MUC3A: variants seen among roughly 807,000 people sequenced by gnomAD.
MUC3A encodes the protein mucin-3A.
Under a neutral mutation model 109.0 loss-of-function variants are expected in MUC3A, and 109 were observed. The observed-to-expected ratio is 1.00, with a 90% CI of 0.86 to 1.17. The LOEUF (loss-of-function observed/expected upper bound fraction) is 1.17. Among genes scored for constraint, MUC3A ranks in the 50% most tolerant of loss-of-function variants. The pLI, the probability that MUC3A is intolerant of heterozygous loss-of-function variation, is 0.00. For missense variants in MUC3A, 3,537 were observed against 2,469.4 expected (o/e 1.43, Z -9.16); for synonymous variants, 1,398 against 981.4 (o/e 1.42, Z -7.93).
In MUC3A at chr7:100,951,988, A is replaced by G; in HGVS notation, c.209A>G (p.His70Arg). The change falls in exon 2 of 12, where the codon CAC becomes CGC. Residue 70 changes from histidine (H) to arginine (R), a missense_variant. Coordinates refer to ENST00000379458, the MANE Select transcript of MUC3A (RefSeq NM_005960.2). ...CAGCTCGCCTCTCCTGCTCCTGGCC[A>G]CAGGGAAAATGCACCTATGACACTC... ...VPQLASPAPG[H>R]RENAPMTLTT... 6.3e-7 allele frequency: 1 copy of G among 1,598,670 alleles called. No individual in the cohort carries two copies. Among genetic ancestry groups the G allele is most frequent in the Non-Finnish European group, 8.5e-7 (1 of 1,179,814 alleles).
intron 3 of MUC3A, among the ~76,000 whole-genome samples, chr7:100,961,967 T>TGGGCTTGGTGGCTTATG (rs1584808699): frequency 1.3e-4 from 15 of 119,168 alleles, no homozygotes; most frequent in Admixed American, 4.0e-4. Flanking sequence ...AAAACTTACC[T>TGGGCTTGGTGGCTTATG]CACGCCTGTA....
At chr7:100,962,811 C>CA (rs1563073163) in intron 3 of MUC3A, among the ~76,000 whole-genome samples, 4 of 126,480 alleles carry the variant, frequency 3.2e-5, no homozygotes, top group African/African-American at 2.8e-5. Context: ...CTCTCTCTCT[C>CA]TCTTTCTTTC....
chr7:100,964,196 G>GCAA, intron 5 of MUC3A: 2 of 271,706 alleles, frequency 7.4e-6, no homozygotes, highest in South Asian at 1.1e-4. Context: ...TAGCACTTTG[G>GCAA]GTAGGCTAGG....
rs1165925408 is a variant in MUC3A at position 100,966,959 on chromosome 7, G to T, written c.9930+8G>T. On this transcript the variant is annotated splice_region_variant and intron_variant, in intron 11 of 11. Transcript: ENST00000379458. ...GTGGACACCACTATGAAGGTGAGGG[G>T]CTAAAGAGGGGGACCCCAAGGAACT... 6 of 1,598,434 alleles carry T rather than the reference G, an allele frequency of 3.8e-6. No individual in the cohort carries two copies. Among genetic ancestry groups the T allele is most frequent in the African/African-American group, 1.3e-5 (1 of 74,964 alleles).
At position 100,960,209 on chromosome 7, in the gene MUC3A, C is replaced by G. The variant is rs73398798; in HGVS notation, c.8430C>G (p.Thr2810=). 1 of 1,594,168 alleles carries G rather than the reference C, an allele frequency of 6.3e-7. No homozygotes were observed. Among genetic ancestry groups the G allele is most frequent in the East Asian group, 2.2e-5 (1 of 44,816 alleles). The change falls in exon 2 of 12, where the codon ACC becomes ACG. Residue 2810 remains threonine (T), a synonymous_variant. Coordinates refer to ENST00000379458, the MANE Select transcript of MUC3A (RefSeq NM_005960.2). ...CATTAACAGTCTTTCCCTTTACTAC[C>G]GAAATGGTCACCTGTCCTACCTCCA... ...TTPLTVFPFT[T]EMVTCPTSIS...
rs587660456 is a variant in MUC3A at position 100,966,437 on chromosome 7, C to G, written c.9663C>G (p.Ala3221=). 91 of 1,349,162 alleles carry G rather than the reference C, an allele frequency of 6.7e-5. No homozygotes were observed. The Admixed American group carries it at 7.6e-4, about 11-fold the overall frequency. 83.6% of individuals were successfully genotyped at this position (1,349,162 alleles called of 1,614,324 possible). The change falls in exon 9 of 12, where the codon GCC becomes GCG. Residue 3221 remains alanine, a synonymous_variant. Coordinates refer to ENST00000379458, the MANE Select transcript of MUC3A (RefSeq NM_005960.2). ...HWFSGPRCEV[A]VHWRALVGGL... ...TCTCTGGCCCGCGCTGCGAGGTGGC[C>G]GTCCACTGGAGGGCGCTGGTCGGGG...
chr7:100,965,137 G>GCCCCTCCACA, intron 6 of MUC3A, 145 bp from the exon 7 acceptor site: 50 of 1,169,906 alleles, frequency 4.3e-5, no homozygotes, highest in African/African-American at 1.1e-4. Flanking sequence ...TTCGCCTGTG[G>GCCCCTCCACA]CTCTCTCCGT....
rs368098028 is a variant in MUC3A, at chr7:100,959,140, C to T, written c.7361C>T (p.Thr2454Ile). ...SSSTIYSTVS[T>I]STTAITSHFT... ...TCAACCATCTACTCCACAGTCAGCA[C>T]ATCCACAACTGCCATCACCTCACAT... Residue 2454 changes from threonine to isoleucine, a missense_variant, in exon 2 of 12, where the codon ACA becomes ATA. Thr to Ile is a moderately conservative substitution (Grantham distance 89). Transcript: ENST00000379458. The T allele has an allele frequency of 5.0e-6, 8 of 1,590,670 alleles. No homozygotes were observed. The highest frequency in any genetic ancestry group is 4.1e-5 in the African/African-American group (3 of 72,500).
intron 7 of MUC3A, 132 bp downstream of exon 7, chr7:100,965,479 T>C (rs1384391619): frequency 4.8e-6 from 7 of 1,471,566 alleles, no homozygotes; most frequent in South Asian, 2.5e-5. Flanking sequence ...AGGGCGGCCC[T>C]TCCTGGCGCT....
At position 100,966,390 on chromosome 7, in the gene MUC3A, T is replaced by C; in HGVS notation, c.9616T>C (p.Tyr3206His). The change falls in exon 9 of 12, where the codon TAC (tyrosine) becomes CAC (histidine). Residue 3206 changes from tyrosine to histidine, a missense_variant. By Grantham distance (83) the Tyr-to-His change is moderately conservative. Transcript: ENST00000379458. ...TGACCCTGCGATCTCCCGCAGCTGC[T>C]ACTCCACCGACACGCACTGGTTCTC... ...LETSGPTCRC[Y>H]STDTHWFSGP... 1 of 1,335,862 alleles carries C rather than the reference T, an allele frequency of 7.5e-7. No homozygotes were observed. The highest frequency in any genetic ancestry group is 9.5e-7 in the Non-Finnish European group (1 of 1,048,664). The allele number at this position is 1,335,862 out of a possible 1,614,324, so 82.8% of individuals were successfully genotyped here.
rs587695646 is a variant in MUC3A at position 100,964,744 on chromosome 7, A to C, written c.9283A>C (p.Ser3095Arg). The change falls in exon 6 of 12, where the codon AGC (serine) becomes CGC (arginine). Residue 3095 changes from serine to arginine, a missense_variant. Coordinates refer to ENST00000379458, the MANE Select transcript of MUC3A (RefSeq NM_005960.2). ...CCTGGTCCTGCTGGAGATGCCCTTC[A>C]GCCCCCAGCTGGAGAGCGAGTATGA... ...DYLVLLEMPFSPQLESEYEQV... is the reference protein window; with the variant it reads ...DYLVLLEMPFRPQLESEYEQV... 3.1e-6 allele frequency: 5 copies of C among 1,598,386 alleles called. No homozygotes were observed. The South Asian group carries it at 5.5e-5, about 18-fold the overall frequency.
At position 100,957,449 on chromosome 7, in the gene MUC3A, A is replaced by G. The variant is rs1029160344; in HGVS notation, c.5670A>G (p.Thr1890=). The G allele has an allele frequency of 1.1e-6, 1 of 935,180 alleles. No individual in the cohort carries two copies. Among genetic ancestry groups the G allele is most frequent in the African/African-American group, 4.1e-5 (1 of 24,364 alleles). The allele number at this position is 935,180 out of a possible 1,614,324, so 57.9% of individuals were successfully genotyped here. Reference sequence around the variant, plus strand: ...CAGTAACAGCCACAGTTCCAACAACAAACTTGGTAACCACGACCACCAAGA... The same window carrying G: ...CAGTAACAGCCACAGTTCCAACAACGAACTTGGTAACCACGACCACCAAGA... ...LTTVTATVPT[T]NLVTTTTKIT... Residue 1890 remains threonine (T), a synonymous_variant, in exon 2 of 12, where the codon ACA becomes ACG. Transcript: ENST00000379458.
Position 100,960,524 on chromosome 7 carries a change from C to T in MUC3A, c.8745C>T (p.Pro2915=). The part of the protein sequence containing the change: ...TSSKSTHPSP[P]TTRTSETPVA... ...GCAAGTCAACACACCCCTCCCCACC[C>T]ACCACTAGGACTTCAGAGACACCAG... The change falls in exon 2 of 12, where the codon CCC becomes CCT. Residue 2915 remains proline (P), a synonymous_variant. Transcript: ENST00000379458. 1 of 1,598,726 alleles carries T rather than the reference C, an allele frequency of 6.3e-7. No homozygotes were observed. The highest frequency in any genetic ancestry group is 8.5e-7 in the Non-Finnish European group (1 of 1,179,822).
In MUC3A at chr7:100,952,859, A is replaced by C; in HGVS notation, c.1080A>C (p.Thr360=). 1 of 1,539,752 alleles carries C rather than the reference A, an allele frequency of 6.5e-7. No homozygotes were observed. The highest frequency in any genetic ancestry group is 1.4e-5 in the African/African-American group (1 of 73,452). ...KIAYSTSMTG[T]LSTETSLPPT... The stretch of plus-strand genomic sequence containing the variant: ...CCTACTCCACAAGTATGACAGGTAC[A>C]TTGTCCACAGAGACTTCTCTCCCAC... The change falls in exon 2 of 12, where the codon ACA becomes ACC. Residue 360 remains threonine, a synonymous_variant. Coordinates refer to ENST00000379458, the MANE Select transcript of MUC3A (RefSeq NM_005960.2).
chr7:100,952,785 T>C lies in MUC3A; in HGVS notation c.1006T>C (p.Tyr336His), dbSNP rs1679380985. The change falls in exon 2 of 12, where the codon TAC (tyrosine) becomes CAC (histidine). Residue 336 changes from tyrosine to histidine, a missense_variant. Coordinates refer to ENST00000379458, the MANE Select transcript of MUC3A (RefSeq NM_005960.2). Reference sequence around the variant, plus strand: ...GTCTACACCTACATCTGAGACCACCTACACTACTTCTCCCACCAGCACTGT... The same window carrying C: ...GTCTACACCTACATCTGAGACCACCCACACTACTTCTCCCACCAGCACTGT... ...SRSTPTSETTYTTSPTSTVTD... is the reference protein window; with the variant it reads ...SRSTPTSETTHTTSPTSTVTD... 6.4e-7 allele frequency: 1 copy of C among 1,554,602 alleles called. No individual in the cohort carries two copies. Among genetic ancestry groups the C allele is most frequent in the Non-Finnish European group, 8.6e-7 (1 of 1,157,276 alleles).
intron 11 of MUC3A, 59 bp from the exon 12 acceptor site, chr7:100,967,062 C>A (rs587612829): frequency 4.4e-6 from 7 of 1,598,320 alleles, no homozygotes; most frequent in Non-Finnish European, 5.9e-6. Flanking sequence ...CAGCAGTGAC[C>A]TCCCTGTCAG....
Position 100,955,602 on chromosome 7 carries a change from A to G in MUC3A, c.3823A>G (p.Ser1275Gly), listed in dbSNP as rs1584801487. The G allele has an allele frequency of 2.1e-6, 1 of 473,694 alleles. No individual in the cohort carries two copies. Among genetic ancestry groups the G allele is most frequent in the Non-Finnish European group, 3.7e-6 (1 of 272,468 alleles). 29.3% of individuals were successfully genotyped at this position (473,694 alleles called of 1,614,324 possible). The change falls in exon 2 of 12, where the codon AGT becomes GGT. Residue 1275 changes from serine to glycine, a missense_variant. Transcript: ENST00000379458. ...TITSTDSTLTSSLLTTFPSTY... is the reference protein window; with the variant it reads ...TITSTDSTLTGSLLTTFPSTY... Reference sequence around the variant, plus strand: ...CACAAGTACTGACAGCACTCTAACAAGTTCCCTCCTGACGACCTTCCCAAG... The same window carrying G: ...CACAAGTACTGACAGCACTCTAACAGGTTCCCTCCTGACGACCTTCCCAAG...
chr7:100,949,549 A>G lies in MUC3A; in HGVS notation c.-76A>G. On this transcript the variant is annotated 5_prime_UTR_variant, in exon 1 of 12. Transcript: ENST00000379458. Reference sequence around the variant, plus strand: ...GATAACCAGCACTTTCATTACGTGCACGCCCCAGGGCCACGTCCCTGCCGC... The same window carrying G: ...GATAACCAGCACTTTCATTACGTGCGCGCCCCAGGGCCACGTCCCTGCCGC... 8.0e-7 allele frequency: 1 copy of G among 1,251,010 alleles called. No individual in the cohort carries two copies. Among genetic ancestry groups the G allele is most frequent in the African/African-American group, 3.5e-5 (1 of 28,206 alleles). 77.5% of individuals were successfully genotyped at this position (1,251,010 alleles called of 1,614,324 possible). A position where few individuals can be genotyped will look rare whatever the true frequency, so the allele number is the denominator to read the frequency against.
intron 8 of MUC3A, 182 bp downstream of exon 8, chr7:100,966,048 CT>C (rs145646497): frequency 1.4e-5 from 13 of 922,236 alleles, no homozygotes; most frequent in Admixed American, 3.4e-5. Flanking sequence ...AGCTCTGCTC[CT>C]TTGATGGGGT....
Sources: allele counts gnomAD v4.1 joint callset (sites outside exome capture counted in the v4.1 genomes callset), GRCh38; gene constraint gnomAD v4.1.1; transcripts MANE v1.5; gene names NCBI Gene and HGNC (gene_info 2026-07-23, HGNC 2026-07-21).